SPTBN1: variants seen among roughly 807,000 people sequenced by gnomAD.
SPTBN1 encodes spectrin beta chain, non-erythrocytic 1.
In SPTBN1, 32 loss-of-function variants were observed where a neutral mutation model predicts 266.4. The observed-to-expected ratio is 0.12, with a 90% CI of 0.09 to 0.16. SPTBN1 has a LOEUF of 0.16. Ranked by LOEUF, SPTBN1 falls within the 10% of genes least tolerant of loss-of-function variation. The probability of loss-of-function intolerance (pLI) is 1.00; values close to 1 mark genes in which losing one functional copy is unlikely to be tolerated. For synonymous variants in SPTBN1, 1,336 were observed against 1,162.2 expected, an observed-to-expected ratio of 1.15 and a Z score of -3.04; for missense variants, 2,296 against 3,067.1, an observed-to-expected ratio of 0.75 and a Z score of 5.94.
At chr2:54,591,033 C>T (rs932953100) in intron 2 of SPTBN1, among the ~76,000 whole-genome samples, 2 of 152,206 alleles carry the variant, frequency 1.3e-5, no homozygotes, top group East Asian at 1.9e-4. Context: ...TTGTTCAAAA[C>T]ACGCAAAAAT....
At position 54,653,845 on chromosome 2, in the gene SPTBN1, G is replaced by T. The variant is rs768397597; in HGVS notation, c.5814G>T (p.Glu1938Asp). 2.4e-5 allele frequency: 38 copies of T among 1,611,682 alleles called. No individual in the cohort carries two copies. Among genetic ancestry groups the T allele is most frequent in the Non-Finnish European group, 3.0e-5 (35 of 1,179,460 alleles). Residue 1938 changes from glutamate (E) to aspartate (D), a missense_variant, in exon 27 of 36, where the codon GAG becomes GAT. Around this residue, in one of 12 missense-constraint regions of SPTBN1, gnomAD observed 644 missense variants for 745.3 expected, o/e 0.86. Transcript: ENST00000356805. The surrounding 1 kb of genome is among the most constrained non-coding windows in gnomAD (Gnocchi z 5.1). ...TCATCCGGCAGATCGAGGCCCAGGAGAAGCCAAGGTAACGCTTTCAGCCCA... is the reference window on the plus strand; with the variant it reads ...TCATCCGGCAGATCGAGGCCCAGGATAAGCCAAGGTAACGCTTTCAGCCCA... Reference protein sequence around the residue: ...EDVIRQIEAQEKPRDVSSVEL... With the variant: ...EDVIRQIEAQDKPRDVSSVEL...
chr2:54,558,925 C>T lies in SPTBN1; in HGVS notation c.148+32359C>T. On this transcript the variant is annotated intron_variant, in intron 2 of 35. Coordinates refer to ENST00000356805, the MANE Select transcript of SPTBN1 (RefSeq NM_003128.3). The surrounding 1 kb of genome is among the most constrained non-coding windows in gnomAD (Gnocchi z 4.6). The stretch of plus-strand genomic sequence containing the variant: ...CCAAAGGCCGGGCCTGTCCTGGGTG[C>T]CAACGGGGGTTCTTGGAGGCTTTAT... 2 of 1,596,506 alleles carry T rather than the reference C, an allele frequency of 1.3e-6. No homozygotes were observed. Among genetic ancestry groups the T allele is most frequent in the Non-Finnish European group, 1.7e-6 (2 of 1,169,750 alleles).
intron 2 of SPTBN1, 165 bp downstream of exon 2, chr2:54,526,731 C>A: frequency 1.2e-6 from 1 of 816,938 alleles, no homozygotes; most frequent in South Asian, 3.0e-5. Flanking sequence ...GTAGTCAGTT[C>A]CATATTTGGA....
At chr2:54,488,828 C>G (rs1437062613) in intron 1 of SPTBN1, among the ~76,000 whole-genome samples, 2 of 152,116 alleles carry the variant, frequency 1.3e-5, no homozygotes, top group Non-Finnish European at 2.9e-5. Context: ...ATTAATCTTA[C>G]AAAGGCTCGC....
chr2:54,460,533 C>T (rs754333049), intron 1 of SPTBN1, among the ~76,000 whole-genome samples: 25 of 152,248 alleles, frequency 1.6e-4, no homozygotes, highest in Non-Finnish European at 2.6e-4. Flanking sequence ...GCTGGAGCCT[C>T]GGAAGCTAAC....
intron 2 of SPTBN1, among the ~76,000 whole-genome samples, chr2:54,548,710 C>T (rs74955602): frequency 6.6e-6 from 1 of 152,318 alleles, no homozygotes; most frequent in African/African-American, 2.4e-5. Flanking sequence ...CGGCTCTGTG[C>T]CTCATTTCTC....
intron 18 of SPTBN1, among the ~76,000 whole-genome samples, chr2:54,638,238 T>C (rs192577171): frequency 2.0e-5 from 3 of 152,378 alleles, no homozygotes; most frequent in African/African-American, 7.2e-5. Flanking sequence ...GGAAGTTGTA[T>C]TGGATATTGA....
rs1003247778 is a variant in SPTBN1 at position 54,624,756 on chromosome 2, C to T, written c.1183-48C>T. 7 of 1,608,854 alleles carry T rather than the reference C, an allele frequency of 4.4e-6. No individual in the cohort carries two copies. In the Admixed American group the frequency reaches 5.1e-5, roughly 12 times the overall value. The stretch of plus-strand genomic sequence containing the variant: ...CTGTAACCACGGAAGTTTCCTTGAA[C>T]ACTGCAGGAAACTGTGTTTGTGTGT... On this transcript the variant is annotated intron_variant, in intron 10 of 35. Transcript: ENST00000356805.
rs112950743 is a variant in SPTBN1, at chr2:54,623,479, A to G, written c.1065A>G (p.Lys355=). The change falls in exon 10 of 36, where the codon AAA becomes AAG. Residue 355 remains lysine (K), a splice_region_variant and synonymous_variant. Coordinates refer to ENST00000356805, the MANE Select transcript of SPTBN1 (RefSeq NM_003128.3). ...AATGAATGTTTTCCCCTGTGTTTAGATTTACTGAGAAGGGGAACTTGGAAG... is the reference window on the plus strand; with the variant it reads ...AATGAATGTTTTCCCCTGTGTTTAGGTTTACTGAGAAGGGGAACTTGGAAG... ...NTYRTVEKPP[K]FTEKGNLEVL... The G allele has an allele frequency of 2.0e-5, 33 of 1,613,726 alleles. No homozygotes were observed. The highest frequency in any genetic ancestry group is 2.0e-4 in the African/African-American group (15 of 74,858).
chr2:54,478,692 A>G (rs1051744688), intron 1 of SPTBN1, among the ~76,000 whole-genome samples: 1 of 152,178 alleles, frequency 6.6e-6, no homozygotes, highest in Non-Finnish European at 1.5e-5. Flanking sequence ...AAGGCATCTT[A>G]CTTCTGCTAA....
At chr2:54,550,856 A>G (rs933597089) in intron 2 of SPTBN1, among the ~76,000 whole-genome samples, 5 of 152,160 alleles carry the variant, frequency 3.3e-5, no homozygotes, top group Admixed American at 6.5e-5. Context: ...CCAATAGCCT[A>G]TGCCCATGGA....
Position 54,626,389 on chromosome 2 carries a change from G to C in SPTBN1, c.1644+155G>C, listed in dbSNP as rs149086918. Among the ~76,000 whole-genome samples the C allele has an allele frequency of 6.6e-6, 1 of 152,342 alleles. No individual in the cohort carries two copies. Among genetic ancestry groups the C allele is most frequent in the Non-Finnish European group, 1.5e-5 (1 of 68,030 alleles). On this transcript the variant is annotated intron_variant, in intron 12 of 35. Transcript: ENST00000356805. This position sits in a 1 kb window ranked among gnomAD's most constrained non-coding sequence, Gnocchi z 4.7. ...GAGCCACATCACCCATGGGAAGATT[G>C]CTAGCTCAGGAATTAAATGAGACGT...
chr2:54,617,829 A>G, intron 6 of SPTBN1, 141 bp downstream of exon 6: 2 of 767,654 alleles, frequency 2.6e-6, no homozygotes, highest in East Asian at 2.7e-5. Flanking sequence ...TGAGGAAAAT[A>G]TGGGAGAATA....
intron 28 of SPTBN1, among the ~76,000 whole-genome samples, chr2:54,655,681 C>T (rs1181992311): frequency 2.6e-5 from 4 of 152,258 alleles, no homozygotes; most frequent in Non-Finnish European, 5.9e-5. Flanking sequence ...AGCCTCCTCA[C>T]GACAAAACAG....
Position 54,624,797 on chromosome 2 carries a change from T to C in SPTBN1, c.1183-7T>C. ...GTTTGTGTGTGTGTGTATTTTCATTTTTGTAGGCCTGGGAAAGACTGGAAA... is the reference window on the plus strand; with the variant it reads ...GTTTGTGTGTGTGTGTATTTTCATTCTTGTAGGCCTGGGAAAGACTGGAAA... On this transcript the variant is annotated splice_region_variant and splice_polypyrimidine_tract_variant and intron_variant, in intron 10 of 35. Transcript: ENST00000356805. 1 of 1,614,058 alleles carries C rather than the reference T, an allele frequency of 6.2e-7. No individual in the cohort carries two copies. Among genetic ancestry groups the C allele is most frequent in the Non-Finnish European group, 8.5e-7 (1 of 1,179,984 alleles).
chr2:54,603,501 T>G (rs1676632141), intron 3 of SPTBN1, among the ~76,000 whole-genome samples: 1 of 152,158 alleles, frequency 6.6e-6, no homozygotes, highest in Non-Finnish European at 1.5e-5. Context: ...GGCGATATGG[T>G]GTGGACTGCA....
At position 54,612,147 on chromosome 2, in the gene SPTBN1, T is replaced by A; in HGVS notation, c.301-14T>A. The A allele has an allele frequency of 6.3e-7, 1 of 1,576,048 alleles. No individual in the cohort carries two copies. Reference sequence around the variant, plus strand: ...TTGGGTGATGTGTCTCTACCTCTGCTCTCCTGTTTCTAGCCTAAACCCACC... The same window carrying A: ...TTGGGTGATGTGTCTCTACCTCTGCACTCCTGTTTCTAGCCTAAACCCACC... On this transcript the variant is annotated splice_polypyrimidine_tract_variant and intron_variant, in intron 3 of 35. Coordinates refer to ENST00000356805, the MANE Select transcript of SPTBN1 (RefSeq NM_003128.3).
At chr2:54,575,971 G>C (rs560628294) in intron 2 of SPTBN1, among the ~76,000 whole-genome samples, 4 of 149,806 alleles carry the variant, frequency 2.7e-5, no homozygotes, top group African/African-American at 1.0e-4. Context: ...CTTTGGTACA[G>C]TTTAGGTTAT....
chr2:54,595,693 T>C (rs1007126673), intron 2 of SPTBN1, among the ~76,000 whole-genome samples: 1 of 152,152 alleles, frequency 6.6e-6, no homozygotes, highest in African/African-American at 2.4e-5. Context: ...GATGAAAGAA[T>C]AGCAACCCAC....
Sources: allele counts gnomAD v4.1 joint callset (sites outside exome capture counted in the v4.1 genomes callset), GRCh38; gene constraint gnomAD v4.1.1; regional missense constraint gnomAD v4.1.1; non-coding constraint Gnocchi (gnomAD v3.1); transcripts MANE v1.5; gene names NCBI Gene and HGNC (gene_info 2026-07-23, HGNC 2026-07-21).